ANKFY1: variants seen among roughly 807,000 people sequenced by gnomAD.
ANKFY1 encodes ankyrin repeat and FYVE domain-containing protein 1.
A neutral mutation model predicts 128.3 loss-of-function variants in ANKFY1; 47 were observed. That is an observed-to-expected ratio of 0.37 (90% CI 0.29 to 0.47). The LOEUF (loss-of-function observed/expected upper bound fraction) is 0.47. Ranked by LOEUF, ANKFY1 falls within the 20% of genes least tolerant of loss-of-function variation. The probability of loss-of-function intolerance (pLI) is 1.00; values close to 1 mark genes in which losing one functional copy is unlikely to be tolerated. For missense variants in ANKFY1, 1,222 were observed against 1,510.6 expected (o/e 0.81, Z 3.17); for synonymous variants, 553 against 601.6 (o/e 0.92, Z 1.18).
chr17:4,220,568 T>A (rs150420630), intron 3 of ANKFY1, among the ~76,000 whole-genome samples: 84 of 152,342 alleles, frequency 5.5e-4, no homozygotes, highest in Non-Finnish European at 1.1e-3. Flanking sequence ...AAAACTTTTT[T>A]AAACTACTTT....
chr17:4,187,933 T>A (rs1269047779), intron 11 of ANKFY1: 1 of 152,206 alleles, frequency 6.6e-6, no homozygotes, highest in Non-Finnish European at 1.5e-5. Flanking sequence ...CTCCCAAAGT[T>A]TTGGGATTAC....
intron 10 of ANKFY1, chr17:4,191,119 C>G (rs555582485): frequency 2.2e-4 from 33 of 152,418 alleles, no homozygotes; most frequent in African/African-American, 7.5e-4. Context: ...GCCTGGGCGA[C>G]AGAGCGAAAC....
intron 1 of ANKFY1, among the ~76,000 whole-genome samples, chr17:4,260,813 C>T (rs1411787078): frequency 6.6e-6 from 1 of 152,092 alleles, no homozygotes; most frequent in Non-Finnish European, 1.5e-5. Flanking sequence ...AAGCTGTATC[C>T]TCAGTCTCTC....
chr17:4,173,099 G>A (rs1008628307), intron 21 of ANKFY1, among the ~76,000 whole-genome samples: 5 of 152,344 alleles, frequency 3.3e-5, no homozygotes, highest in African/African-American at 9.6e-5. Context: ...CTCGTGATCC[G>A]CCCGCCTCGG....
intron 11 of ANKFY1, chr17:4,186,196 CCAA>C (rs777723219): frequency 2.0e-5 from 3 of 152,222 alleles, no homozygotes; most frequent in East Asian, 1.9e-4. Flanking sequence ...TGTTTTCACC[CCAA>C]CAAGTGGAAA....
chr17:4,235,374 G>T (rs1476337855), intron 3 of ANKFY1, among the ~76,000 whole-genome samples: 1 of 150,148 alleles, frequency 6.7e-6, no homozygotes, highest in Non-Finnish European at 1.5e-5. Flanking sequence ...AAGTCCTTTG[G>T]CATCTAGCAT....
intron 1 of ANKFY1, among the ~76,000 whole-genome samples, chr17:4,254,060 C>T (rs1016454150): frequency 6.6e-5 from 10 of 152,284 alleles, no homozygotes; most frequent in African/African-American, 2.4e-4. Flanking sequence ...AATCCCAGCA[C>T]TTTGAGAAGC....
intron 3 of ANKFY1, among the ~76,000 whole-genome samples, chr17:4,231,494 C>CA (rs1267589896): frequency 6.6e-6 from 1 of 151,262 alleles, no homozygotes; most frequent in Non-Finnish European, 1.5e-5. Context: ...ATCTCAAAAA[C>CA]AAAAAAAGAA....
intron 3 of ANKFY1, chr17:4,223,011 G>A (rs572734106): frequency 1.2e-6 from 1 of 817,780 alleles, no homozygotes; most frequent in African/African-American, 1.7e-5. Flanking sequence ...AATATCCAGG[G>A]ACAGGATAAC....
chr17:4,209,200 G>A (rs778925593), intron 5 of ANKFY1, among the ~76,000 whole-genome samples: 1 of 152,252 alleles, frequency 6.6e-6, no homozygotes, highest in Non-Finnish European at 1.5e-5. Flanking sequence ...AGGGCCTGCT[G>A]GCCGTGGAGC....
chr17:4,240,578 G>C (rs928486277), intron 2 of ANKFY1, among the ~76,000 whole-genome samples: 2 of 151,718 alleles, frequency 1.3e-5, no homozygotes, highest in African/African-American at 4.8e-5. Context: ...TTTTAGTAGA[G>C]ACAGGGTGCC....
rs1441446634 is a variant in ANKFY1 at position 4,164,029 on chromosome 17, A to G, written c.*3750T>C. ...ATGCTGATAAGCGCCGTGGTCCTCT[A>G]TGATACCATCACCCCACACTGAGCA... On this transcript the variant is annotated 3_prime_UTR_variant, in exon 25 of 25. Coordinates refer to ENST00000341657, the MANE Select transcript of ANKFY1 (RefSeq NM_001330063.2). The G allele has an allele frequency of 6.5e-6, 1 of 152,692 alleles. No homozygotes were observed. Among genetic ancestry groups the G allele is most frequent in the African/African-American group, 2.4e-5 (1 of 41,462 alleles). The allele number at this position is 152,692 out of a possible 1,614,324, so 9.5% of individuals were successfully genotyped here. A position where few individuals can be genotyped will look rare whatever the true frequency, so the allele number is the denominator to read the frequency against.
intron 3 of ANKFY1, chr17:4,222,430 A>C: frequency 1.2e-6 from 1 of 803,082 alleles, no homozygotes; most frequent in South Asian, 1.3e-5. Flanking sequence ...TTCGAAGTCC[A>C]AGGTTGAATG....
At chr17:4,246,342 A>G (rs1406291510) in intron 1 of ANKFY1, among the ~76,000 whole-genome samples, 1 of 152,196 alleles carries the variant, frequency 6.6e-6, no homozygotes. Flanking sequence ...TTAAGCTTGT[A>G]TCAGTCAACA....
intron 13 of ANKFY1, 122 bp from the exon 14 acceptor site, chr17:4,183,673 T>C: frequency 7.0e-7 from 1 of 1,425,054 alleles, no homozygotes; most frequent in Non-Finnish European, 9.6e-7. Flanking sequence ...TCTAACAGGC[T>C]TAACTCAAAC....
intron 22 of ANKFY1, among the ~76,000 whole-genome samples, chr17:4,172,081 G>A (rs992071626): frequency 6.6e-6 from 1 of 152,188 alleles, no homozygotes; most frequent in Non-Finnish European, 1.5e-5. Context: ...CAGTGATCAC[G>A]GGTACCCAGA....
intron 3 of ANKFY1, among the ~76,000 whole-genome samples, chr17:4,225,756 T>C (rs1314296884): frequency 1.3e-5 from 2 of 152,102 alleles, no homozygotes; most frequent in Non-Finnish European, 2.9e-5. Flanking sequence ...TGTGTGTGTA[T>C]ATATATATTT....
At chr17:4,177,338 C>T in intron 18 of ANKFY1, 36 bp from the exon 19 acceptor site, 1 of 1,528,740 alleles carries the variant, frequency 6.5e-7, no homozygotes, top group South Asian at 1.3e-5. Context: ...TATTAGTTCC[C>T]TTTTCAGAGT....
At chr17:4,250,262 G>T (rs192021789) in intron 1 of ANKFY1, among the ~76,000 whole-genome samples, 1 of 152,296 alleles carries the variant, frequency 6.6e-6, no homozygotes, top group Non-Finnish European at 1.5e-5. Flanking sequence ...AGCTCCTGCT[G>T]AAAGAATGAC....
Sources: gnomAD v4.1 joint callset for allele counts (sites outside exome capture counted in the v4.1 genomes callset) on GRCh38, gnomAD v4.1.1 for gene constraint, MANE v1.5 for transcripts, NCBI Gene and HGNC (gene_info 2026-07-23, HGNC 2026-07-21) for gene names.